Variants in AGMO observed in about 807,000 individuals in gnomAD.
The protein encoded by AGMO is alkylglycerol monooxygenase.
Under a neutral mutation model 60.2 loss-of-function variants are expected in AGMO, and 75 were observed. The ratio of observed to expected loss-of-function variants is 1.25; its 90% CI spans 1.03 to 1.51. The LOEUF (loss-of-function observed/expected upper bound fraction) is 1.51. Ranked by LOEUF, AGMO falls within the 40% of genes most tolerant of loss-of-function variation. The pLI is 0.00. For missense variants in AGMO, 763 were observed against 525.5 expected, an observed-to-expected ratio of 1.45 and a Z score of -4.42; for synonymous variants, 261 against 177.1, an observed-to-expected ratio of 1.47 and a Z score of -3.76.
At chr7:15,528,175 G>T (rs1483167694) in intron 3 of AGMO, among the ~76,000 whole-genome samples, 1 of 152,040 alleles carries the variant, frequency 6.6e-6, no homozygotes, top group Non-Finnish European at 1.5e-5. Context: ...TTTATTGAAG[G>T]CCCTGATGAT....
At chr7:15,427,534 A>G (rs1781100866) in intron 4 of AGMO, among the ~76,000 whole-genome samples, 1 of 152,150 alleles carries the variant, frequency 6.6e-6, no homozygotes. Flanking sequence ...CAGATGAAGA[A>G]TTTCTTTTTC....
In AGMO at chr7:15,234,443, T is replaced by C. The variant is rs372077645; in HGVS notation, c.1264-33084A>G. On this transcript the variant is annotated intron_variant, in intron 12 of 12. Coordinates refer to ENST00000342526, the MANE Select transcript of AGMO (RefSeq NM_001004320.2). ...AGTTCACTTGGATACCGGTCTTGCC[T>C]ACATGCAAACTAGTTTCAAGATACG... Among the ~76,000 whole-genome samples, 22 of 152,356 alleles carry C rather than the reference T, an allele frequency of 1.4e-4. No homozygotes were observed. In the East Asian group the frequency reaches 1.9e-3, roughly 13 times the overall value.
chr7:15,118,924 G>T, the AGMO span, among the ~76,000 whole-genome samples: 1 of 119,864 alleles, frequency 8.3e-6, no homozygotes, highest in Non-Finnish European at 1.7e-5. Context: ...TTGAGACAGA[G>T]TCTCTCTCTG....
At chr7:15,403,174 G>C (rs572838824) in intron 5 of AGMO, among the ~76,000 whole-genome samples, 2 of 151,952 alleles carry the variant, frequency 1.3e-5, no homozygotes, top group East Asian at 3.9e-4. Flanking sequence ...CACAAGCATT[G>C]TCTAATAAGA....
intron 12 of AGMO, among the ~76,000 whole-genome samples, chr7:15,292,430 CG>C (rs1017012325): frequency 1.3e-5 from 2 of 152,068 alleles, no homozygotes; most frequent in East Asian, 1.9e-4. Flanking sequence ...GCAAGGAAAA[CG>C]TAAGATTGGT....
intron 10 of AGMO, among the ~76,000 whole-genome samples, chr7:15,382,109 C>T (rs1783717914): frequency 6.6e-6 from 1 of 151,954 alleles, no homozygotes. Flanking sequence ...TACAACAAAC[C>T]CCTCATGACA....
the AGMO span, among the ~76,000 whole-genome samples, chr7:15,118,998 T>TC: frequency 2.0e-5 from 3 of 150,228 alleles, no homozygotes; most frequent in African/African-American, 7.3e-5. Context: ...GGTTTTTTTT[T>TC]CCTTCTTTTG....
intron 12 of AGMO, among the ~76,000 whole-genome samples, chr7:15,244,632 C>CTTT (rs137954102): frequency 6.6e-6 from 1 of 151,310 alleles, no homozygotes; most frequent in African/African-American, 2.5e-5. Context: ...TTTGCTCATT[C>CTTT]TTTTTTTTGT....
intron 3 of AGMO, among the ~76,000 whole-genome samples, chr7:15,463,305 C>T (rs1420520292): frequency 6.6e-6 from 1 of 152,072 alleles, no homozygotes; most frequent in African/African-American, 2.4e-5. Context: ...GAAAACATTA[C>T]AGAATTTTGT....
intron 12 of AGMO, among the ~76,000 whole-genome samples, chr7:15,255,172 C>T (rs773345073): frequency 1.1e-4 from 17 of 151,958 alleles, no homozygotes; most frequent in Non-Finnish European, 2.1e-4. Context: ...AACATATGGA[C>T]ATAGGGAGGG....
At chr7:15,162,377 T>C in the AGMO span, among the ~76,000 whole-genome samples, 1 of 152,110 alleles carries the variant, frequency 6.6e-6, no homozygotes, top group Non-Finnish European at 1.5e-5. Context: ...TGCTATGCCA[T>C]TTTAGGATGG....
At chr7:15,225,130 T>C (rs1311745920) in intron 12 of AGMO, among the ~76,000 whole-genome samples, 1 of 151,938 alleles carries the variant, frequency 6.6e-6, no homozygotes, top group Non-Finnish European at 1.5e-5. Context: ...CTAAATATAT[T>C]GTTTGATACA....
intron 2 of AGMO, among the ~76,000 whole-genome samples, chr7:15,548,042 C>G (rs949280505): frequency 1.3e-4 from 20 of 152,112 alleles, no homozygotes; most frequent in African/African-American, 4.6e-4. Context: ...GGAGGCACCC[C>G]CCAGCAGGGG....
intron 12 of AGMO, among the ~76,000 whole-genome samples, chr7:15,235,151 G>A (rs183457782): frequency 2.6e-5 from 4 of 151,948 alleles, no homozygotes; most frequent in Admixed American, 6.6e-5. Flanking sequence ...ACTCTCCCCC[G>A]GGTCCTTTGA....
intron 5 of AGMO, among the ~76,000 whole-genome samples, chr7:15,412,496 C>G (rs1780641478): frequency 6.6e-6 from 1 of 151,866 alleles, no homozygotes; most frequent in Admixed American, 6.6e-5. Context: ...CAAAGCCTGG[C>G]TGACTCTTAA....
chr7:15,352,443 G>GT (rs1563103516), intron 12 of AGMO, among the ~76,000 whole-genome samples: 1 of 148,540 alleles, frequency 6.7e-6, no homozygotes, highest in East Asian at 2.0e-4. Flanking sequence ...GATTCCAGAA[G>GT]TATGTTTTTT....
At chr7:15,315,928 T>A (rs1780909402) in intron 12 of AGMO, among the ~76,000 whole-genome samples, 2 of 152,118 alleles carry the variant, frequency 1.3e-5, no homozygotes, top group Admixed American at 1.3e-4. Context: ...ACAAGACCAT[T>A]CTAATATCTA....
At chr7:15,227,361 T>C (rs1782116355) in intron 12 of AGMO, among the ~76,000 whole-genome samples, 1 of 152,044 alleles carries the variant, frequency 6.6e-6, no homozygotes, top group South Asian at 2.1e-4. Flanking sequence ...GCTGTGTATA[T>C]GGTTATTTCC....
chr7:15,173,154 T>TTGAATATATTTATTGAAGTAAATCTAC, the AGMO span, among the ~76,000 whole-genome samples: 6 of 152,290 alleles, frequency 3.9e-5, no homozygotes, highest in East Asian at 5.8e-4. Flanking sequence ...AGTAAATCTA[T>TTGAATATATTTATTGAAGTAAATCTAC]TGAATATATT....
Sources: gnomAD v4.1 joint callset for allele counts (sites outside exome capture counted in the v4.1 genomes callset) on GRCh38, gnomAD v4.1.1 for gene constraint, MANE v1.5 for transcripts, NCBI Gene and HGNC (gene_info 2026-07-23, HGNC 2026-07-21) for gene names.